The following PKHD1 variants were observed in gnomAD, a reference collection of about 807,000 sequenced individuals.
PKHD1 encodes the protein PKHD1 ciliary IPT domain containing fibrocystin/polyductin, also known as fibrocystin.
In PKHD1, 291 loss-of-function variants were observed where a neutral mutation model predicts 412.0. The ratio of observed to expected loss-of-function variants is 0.71; its 90% CI spans 0.64 to 0.78. The LOEUF is 0.78. Among genes scored for constraint, PKHD1 ranks in the 30% least tolerant of loss-of-function variants. PKHD1 has a pLI of 0.00. For missense variants in PKHD1, 4,825 were observed against 4,950.7 expected (o/e 0.97, Z 0.76); for synonymous variants, 1,777 against 1,821.5 (o/e 0.98, Z 0.62).
chr6:51,660,025 T>C, intron 60 of PKHD1, 56 bp from the exon 61 acceptor site: 1 of 1,071,170 alleles, frequency 9.3e-7, no homozygotes, highest in Non-Finnish European at 1.4e-6. Flanking sequence ...TGTCAATGAT[T>C]ATTTGTAATC....
intron 60 of PKHD1, among the ~76,000 whole-genome samples, chr6:51,712,834 A>C (rs914921536): frequency 6.6e-6 from 1 of 152,226 alleles, no homozygotes; most frequent in South Asian, 2.1e-4. Context: ...AAAGTAGTAG[A>C]TGCAATAATG....
intron 60 of PKHD1, among the ~76,000 whole-genome samples, chr6:51,742,225 G>C (rs1784643677): frequency 6.6e-6 from 1 of 152,160 alleles, no homozygotes; most frequent in African/African-American, 2.4e-5. Flanking sequence ...TTCAACAAAT[G>C]CAACCAACAC....
At chr6:51,815,676 C>A (rs74971008) in intron 52 of PKHD1, among the ~76,000 whole-genome samples, 3 of 152,116 alleles carry the variant, frequency 2.0e-5, no homozygotes, top group Non-Finnish European at 1.5e-5. Context: ...CGTTTGAAAT[C>A]GACTCTGAAA....
intron 53 of PKHD1, among the ~76,000 whole-genome samples, chr6:51,789,212 G>A (rs1421398502): frequency 2.0e-5 from 3 of 152,126 alleles, no homozygotes; most frequent in Non-Finnish European, 2.9e-5. Context: ...AAGCAATTTG[G>A]CAGCATGTAT....
intron 31 of PKHD1, 31 bp from the exon 32 acceptor site, chr6:52,026,212 A>G (rs747870774): frequency 2.5e-6 from 4 of 1,599,110 alleles, no homozygotes; most frequent in East Asian, 4.5e-5. Context: ...GCAAAATATT[A>G]TAGCTGATAT....
chr6:51,999,446 A>C (rs1388326211), intron 35 of PKHD1, among the ~76,000 whole-genome samples: 1 of 152,048 alleles, frequency 6.6e-6, no homozygotes, highest in African/African-American at 2.4e-5. Context: ...ATTCATCTTT[A>C]CCCAAATTTC....
In PKHD1 at chr6:51,618,748, T is replaced by G. The variant is rs547740998; in HGVS notation, c.*333A>C. The G allele has an allele frequency of 2.7e-6, 1 of 373,366 alleles. No individual in the cohort carries two copies. Among genetic ancestry groups the G allele is most frequent in the Admixed American group, 3.9e-5 (1 of 25,432 alleles). The allele number at this position is 373,366 out of a possible 1,614,324, so 23.1% of individuals were successfully genotyped here. ...TGTGGGTGGTCAATCCAGAGAATGC[T>G]TAATAATAACCCCTGCTGGTATAAG... On this transcript the variant is annotated 3_prime_UTR_variant, in exon 67 of 67. Transcript: ENST00000371117.
chr6:51,898,145 A>G (rs1780463210), intron 43 of PKHD1, among the ~76,000 whole-genome samples: 1 of 152,150 alleles, frequency 6.6e-6, no homozygotes, highest in East Asian at 1.9e-4. Context: ...AATTGAATTC[A>G]GCTCTGCACC....
At chr6:51,677,237 C>A (rs1385058115) in intron 60 of PKHD1, among the ~76,000 whole-genome samples, 2 of 152,096 alleles carry the variant, frequency 1.3e-5, no homozygotes, top group African/African-American at 2.4e-5. Context: ...AAAATTAATT[C>A]ATTTTCAGAT....
In PKHD1 at chr6:52,025,797, A is replaced by G. The variant is rs775930086; in HGVS notation, c.4013T>C (p.Val1338Ala). The change falls in exon 32 of 67, where the codon GTT (valine) becomes GCT (alanine). Residue 1338 changes from valine to alanine, a missense_variant. Transcript: ENST00000371117. ...GTTGCCCTGGAAGGACTGTGTCTCAACATCACAGTTCAGGTTCCCCAGAAG... is the reference window on the plus strand; with the variant it reads ...GTTGCCCTGGAAGGACTGTGTCTCAGCATCACAGTTCAGGTTCCCCAGAAG... ...VILLGNLNCD[V>A]ETQSFQGNVS... The G allele has an allele frequency of 1.6e-5, 26 of 1,614,068 alleles. No individual in the cohort carries two copies. Among genetic ancestry groups the G allele is most frequent in the Non-Finnish European group, 1.9e-5 (23 of 1,180,044 alleles).
rs756431455 is a variant in PKHD1 at position 51,830,871 on chromosome 6, G to A, written c.8292C>T (p.Leu2764=). The A allele has an allele frequency of 6.2e-6, 10 of 1,612,644 alleles. No individual in the cohort carries two copies. The highest frequency in any genetic ancestry group is 1.7e-5 in the Admixed American group (1 of 59,916). ...GGTAGTTTTACTCACTGGGTAAAAT[G>A]AGAACGTCATCCCCAGGGCCTGGAA... ...NTIPGPGDDV[L]ILPNRTVLVD... Residue 2764 remains leucine (L), a synonymous_variant, in exon 52 of 67, where the codon CTC becomes CTT. Transcript: ENST00000371117.
chr6:51,662,964 T>C (rs573259244), intron 60 of PKHD1, among the ~76,000 whole-genome samples: 1 of 152,086 alleles, frequency 6.6e-6, no homozygotes, highest in Non-Finnish European at 1.5e-5. Context: ...GTCTCCTTTT[T>C]TTAACCTTCA....
chr6:51,771,199 TACAC>T (rs113140015), intron 55 of PKHD1, among the ~76,000 whole-genome samples: 135 of 149,872 alleles, frequency 9.0e-4, no homozygotes, highest in African/African-American at 1.0e-3. Context: ...ACAGGTAGGA[TACAC>T]ACACACACAC....
intron 50 of PKHD1, among the ~76,000 whole-genome samples, chr6:51,838,046 G>A (rs1358143288): frequency 6.6e-6 from 1 of 152,132 alleles, no homozygotes; most frequent in Non-Finnish European, 1.5e-5. Flanking sequence ...CAGTCAAGGT[G>A]TCATTTCCTT....
intron 52 of PKHD1, among the ~76,000 whole-genome samples, chr6:51,802,530 G>T (rs1162383507): frequency 2.0e-4 from 30 of 151,518 alleles, no homozygotes; most frequent in Admixed American, 2.0e-3. Context: ...GTTACAGTTG[G>T]TGTTAAAGCC....
intron 4 of PKHD1, among the ~76,000 whole-genome samples, chr6:52,081,820 C>A (rs1406041116): frequency 1.3e-5 from 2 of 151,966 alleles, no homozygotes; most frequent in Non-Finnish European, 2.9e-5. Context: ...TTTCTCTTAA[C>A]CAATCATCTA....
intron 49 of PKHD1, among the ~76,000 whole-genome samples, chr6:51,852,713 G>A (rs1772513309): frequency 2.0e-5 from 3 of 150,436 alleles, no homozygotes; most frequent in African/African-American, 7.3e-5. Flanking sequence ...TTTTATCAGA[G>A]ACTAGGATTG....
chr6:51,703,252 C>T (rs1447351237), intron 60 of PKHD1, among the ~76,000 whole-genome samples: 1 of 151,962 alleles, frequency 6.6e-6, no homozygotes, highest in African/African-American at 2.4e-5. Context: ...CCTTTTGTTG[C>T]TTCTGAATGA....
chr6:52,038,974 G>C (rs995919577), intron 27 of PKHD1, among the ~76,000 whole-genome samples: 5 of 152,118 alleles, frequency 3.3e-5, no homozygotes, highest in African/African-American at 1.2e-4. Context: ...GAAAATATTT[G>C]CAAATTATTT....
Sources: gnomAD v4.1 joint callset for allele counts (sites outside exome capture counted in the v4.1 genomes callset) on GRCh38, gnomAD v4.1.1 for gene constraint, MANE v1.5 for transcripts, NCBI Gene and HGNC (gene_info 2026-07-23, HGNC 2026-07-21) for gene names.